Variants in EML4 observed in about 807,000 individuals in gnomAD.
EML4 encodes EMAP like 4, also known as echinoderm microtubule-associated protein-like 4.
EML4 carries 72 observed loss-of-function variants against 129.0 expected under a neutral mutation model. The observed-to-expected ratio is 0.56, with a 90% CI of 0.46 to 0.68. The LOEUF (loss-of-function observed/expected upper bound fraction) is 0.68. EML4 is among the 30% of genes least tolerant of loss of function. The probability of loss-of-function intolerance (pLI) is 0.00; values close to 1 mark genes in which losing one functional copy is unlikely to be tolerated. For synonymous variants in EML4, 532 were observed against 405.0 expected, an observed-to-expected ratio of 1.31 and a Z score of -3.77; for missense variants, 1,363 against 1,190.6, an observed-to-expected ratio of 1.14 and a Z score of -2.13.
chr2:42,204,042 T>A (rs762366587), intron 1 of EML4, among the ~76,000 whole-genome samples: 3 of 151,914 alleles, frequency 2.0e-5, no homozygotes, highest in Non-Finnish European at 4.4e-5. Context: ...ACCTCAGCCC[T>A]CCGAATAGCT....
At chr2:42,218,213 G>C (rs1471182207) in intron 1 of EML4, among the ~76,000 whole-genome samples, 2 of 151,960 alleles carry the variant, frequency 1.3e-5, no homozygotes, top group Admixed American at 6.6e-5. Context: ...GTTGGGAACT[G>C]TGCATGCAAG....
chr2:42,315,904 T>G (rs1458620450), intron 17 of EML4, 58 bp from the exon 18 acceptor site: 1 of 1,276,830 alleles, frequency 7.8e-7, no homozygotes, highest in South Asian at 1.3e-5. Context: ...AAAGAACAAC[T>G]TTTTTTTTCT....
intron 1 of EML4, among the ~76,000 whole-genome samples, chr2:42,197,052 G>A (rs1183168826): frequency 6.6e-6 from 1 of 152,116 alleles, no homozygotes; most frequent in African/African-American, 2.4e-5. Flanking sequence ...GTAAATGTTG[G>A]TTTAAGGAAG....
chr2:42,256,782 C>T, intron 3 of EML4, 152 bp downstream of exon 3: 2 of 961,094 alleles, frequency 2.1e-6, no homozygotes, highest in Admixed American at 2.7e-5. Context: ...AGACATTTAG[C>T]CTGTGCTCAC....
At chr2:42,303,492 TCA>T (rs1435105809) in intron 16 of EML4, 46 bp downstream of exon 16, 2 of 1,596,638 alleles carry the variant, frequency 1.3e-6, no homozygotes, top group African/African-American at 2.7e-5. Context: ...CAGAAACTCC[TCA>T]CACTGGCAGT....
At chr2:42,171,065 A>G (rs1298614941) in intron 1 of EML4, among the ~76,000 whole-genome samples, 2 of 152,214 alleles carry the variant, frequency 1.3e-5, no homozygotes, top group Non-Finnish European at 2.9e-5. Context: ...TTCCTCCTCA[A>G]AGGCACCTGT....
intron 17 of EML4, among the ~76,000 whole-genome samples, chr2:42,314,741 G>A (rs755566932): frequency 1.3e-5 from 2 of 152,182 alleles, no homozygotes; most frequent in Non-Finnish European, 2.9e-5. Flanking sequence ...CCAACCAGCT[G>A]TGCATGCTGC....
At chr2:42,222,422 A>G (rs1673668114) in intron 1 of EML4, among the ~76,000 whole-genome samples, 1 of 152,180 alleles carries the variant, frequency 6.6e-6, no homozygotes, top group Non-Finnish European at 1.5e-5. Context: ...TTAAAGTTAT[A>G]TGAATTCTAA....
At chr2:42,226,714 AAG>A (rs1673987355) in intron 1 of EML4, among the ~76,000 whole-genome samples, 1 of 152,060 alleles carries the variant, frequency 6.6e-6, no homozygotes, top group East Asian at 1.9e-4. Flanking sequence ...GAAAATTGCT[AAG>A]AGAGTAGATT....
intron 13 of EML4, 32 bp from the exon 14 acceptor site, chr2:42,301,209 T>C (rs938288510): frequency 1.3e-6 from 2 of 1,579,858 alleles, no homozygotes; most frequent in South Asian, 1.2e-5. Context: ...AAAAGTATTA[T>C]CACTAGTGTT....
intron 17 of EML4, among the ~76,000 whole-genome samples, chr2:42,315,545 A>G (rs1456395150): frequency 6.6e-6 from 1 of 152,192 alleles, no homozygotes; most frequent in Non-Finnish European, 1.5e-5. Flanking sequence ...AACATATCAT[A>G]CTTAAGGACC....
intron 1 of EML4, among the ~76,000 whole-genome samples, chr2:42,181,391 C>T (rs1006458722): frequency 4.6e-5 from 7 of 152,222 alleles, no homozygotes; most frequent in East Asian, 1.9e-4. Flanking sequence ...CTCCACCTCC[C>T]GGACTCAAGC....
intron 8 of EML4, among the ~76,000 whole-genome samples, chr2:42,283,626 G>A (rs961902307): frequency 3.8e-4 from 58 of 152,024 alleles, no homozygotes; most frequent in Non-Finnish European, 2.9e-5. Context: ...GCTGGCACCT[G>A]TATCTTTATC....
chr2:42,261,496 G>GGAA (rs1665733642), intron 4 of EML4: 1 of 228,888 alleles, frequency 4.4e-6, no homozygotes, highest in South Asian at 2.0e-4. Context: ...AGTTAAAACT[G>GGAA]GAAAAAAAAA....
At chr2:42,293,371 G>A (rs1428068491) in intron 11 of EML4, among the ~76,000 whole-genome samples, 3 of 152,134 alleles carry the variant, frequency 2.0e-5, no homozygotes, top group Non-Finnish European at 4.4e-5. Context: ...AAAGCATTGA[G>A]ATTACAGGCA....
chr2:42,180,001 A>G (rs1012150343), intron 1 of EML4, among the ~76,000 whole-genome samples: 2 of 152,232 alleles, frequency 1.3e-5, no homozygotes, highest in African/African-American at 4.8e-5. Flanking sequence ...AACGGGTAAG[A>G]TGTTAATAAT....
chr2:42,206,588 G>A (rs1420844879), intron 1 of EML4, among the ~76,000 whole-genome samples: 1 of 152,112 alleles, frequency 6.6e-6, no homozygotes. Context: ...CTGTTCGTGA[G>A]CCTTTTTTGT....
At chr2:42,240,602 A>G (rs539084741) in intron 1 of EML4, among the ~76,000 whole-genome samples, 1 of 152,198 alleles carries the variant, frequency 6.6e-6, no homozygotes, top group Admixed American at 6.5e-5. Flanking sequence ...AAATTATTCC[A>G]TGATATTCTA....
At chr2:42,170,699 A>C (rs1052529540) in intron 1 of EML4, among the ~76,000 whole-genome samples, 13 of 152,240 alleles carry the variant, frequency 8.5e-5, no homozygotes, top group African/African-American at 3.1e-4. Flanking sequence ...CTGATAACGC[A>C]GTTGTGTGAT....
Sources: allele counts gnomAD v4.1 joint callset (sites outside exome capture counted in the v4.1 genomes callset), GRCh38; gene constraint gnomAD v4.1.1; transcripts MANE v1.5; gene names NCBI Gene and HGNC (gene_info 2026-07-23, HGNC 2026-07-21).